KLHL3: variants seen among roughly 807,000 people sequenced by gnomAD.
The protein encoded by KLHL3 is kelch-like protein 3.
In KLHL3, 19 loss-of-function variants were observed where a neutral mutation model predicts 70.5. The ratio of observed to expected loss-of-function variants is 0.27; its 90% CI spans 0.19 to 0.40. The LOEUF is 0.40. Ranked by LOEUF, KLHL3 falls within the 10% of genes least tolerant of loss-of-function variation. The probability of loss-of-function intolerance (pLI) is 1.00; values close to 1 mark genes in which losing one functional copy is unlikely to be tolerated. For synonymous variants in KLHL3, 258 were observed against 290.3 expected, an observed-to-expected ratio of 0.89 and a Z score of 1.13; for missense variants, 512 against 771.1, an observed-to-expected ratio of 0.66 and a Z score of 3.98.
chr5:137,690,330 A>G (rs1005396883), intron 5 of KLHL3, among the ~76,000 whole-genome samples: 1 of 148,386 alleles, frequency 6.7e-6, no homozygotes, highest in South Asian at 2.1e-4. Context: ...CCATCTCAAA[A>G]AAAAAAAAAA....
At chr5:137,680,066 A>G (rs1279795048) in intron 5 of KLHL3, among the ~76,000 whole-genome samples, 1 of 152,196 alleles carries the variant, frequency 6.6e-6, no homozygotes, top group Non-Finnish European at 1.5e-5. Context: ...CAGGAACAGG[A>G]TGCTCCAGCT....
intron 1 of KLHL3, among the ~76,000 whole-genome samples, chr5:137,727,008 C>T (rs1358588823): frequency 6.6e-6 from 1 of 152,098 alleles, no homozygotes; most frequent in South Asian, 2.1e-4. Context: ...CTTTCTTGCC[C>T]TCCTCTATCC....
At chr5:137,643,061 T>C (rs1750957199) in intron 8 of KLHL3, among the ~76,000 whole-genome samples, 1 of 152,142 alleles carries the variant, frequency 6.6e-6, no homozygotes. Context: ...ACAAAAATGA[T>C]ACACGACAGC....
chr5:137,709,803 G>A lies in KLHL3; in HGVS notation c.188C>T (p.Ala63Val). ...GCAGGCTGCCAGGACCACACGGTGG[G>A]CTTCTATCTCGACATCTTCTGCCAC... is the stretch of plus-strand genomic sequence containing the variant. ...MIVAEDVEIE[A>V]HRVVLAACSP... Residue 63 changes from alanine to valine, a missense_variant, in exon 3 of 15, where the codon GCC (alanine) becomes GTC (valine). By Grantham distance (64) the Ala-to-Val change is moderately conservative. Coordinates refer to ENST00000309755, the MANE Select transcript of KLHL3 (RefSeq NM_017415.3). The A allele has an allele frequency of 1.2e-6, 2 of 1,614,116 alleles. No homozygotes were observed. Among genetic ancestry groups the A allele is most frequent in the Non-Finnish European group, 1.7e-6 (2 of 1,180,016 alleles).
chr5:137,706,218 G>T, intron 3 of KLHL3: 1 of 985,370 alleles, frequency 1.0e-6, no homozygotes, highest in Non-Finnish European at 1.2e-6. Flanking sequence ...CAAGTCAGAA[G>T]AAAGCCATGT....
rs1021051206 is a variant in KLHL3, at chr5:137,627,482, C to G, written c.1591+815G>C. ...GTAAATTAGTAAATATCACCACCCC[C>G]CCCCCCGGTTTACACTTCCAAGTCA... On this transcript the variant is annotated intron_variant, in intron 13 of 14. Transcript: ENST00000309755. 2.5e-4 allele frequency among the ~76,000 whole-genome samples: 32 copies of G among 125,834 alleles called. 6 individuals carry two copies. Among genetic ancestry groups the G allele is most frequent in the Admixed American group, 8.5e-4 (11 of 12,876 alleles). The allele number at this position is 125,834 out of a possible 152,430, so 82.6% of individuals were successfully genotyped here.
At position 137,692,331 on chromosome 5, in the gene KLHL3, A is replaced by G. The variant is rs1752343949; in HGVS notation, c.480T>C (p.Asp160=). 1.2e-6 allele frequency: 2 copies of G among 1,613,446 alleles called. No homozygotes were observed. The highest frequency in any genetic ancestry group is 1.7e-5 in the Admixed American group (1 of 59,994). Reference sequence around the variant, plus strand: ...GCAGAAGGTCAGTGCAGGTGTGTACATCTGCAAATGCACGGATGCCCAGGC... The same window carrying G: ...GCAGAAGGTCAGTGCAGGTGTGTACGTCTGCAAATGCACGGATGCCCAGGC... ...TNCLGIRAFA[D]VHTCTDLLQQ... is the part of the protein sequence containing the mutation. Residue 160 remains aspartate (D), a synonymous_variant, in exon 5 of 15, where the codon GAT becomes GAC. Transcript: ENST00000309755.
In KLHL3 at chr5:137,639,981, C is replaced by A; in HGVS notation, c.904-4G>T. 1 of 1,613,570 alleles carries A rather than the reference C, an allele frequency of 6.2e-7. No homozygotes were observed. Among genetic ancestry groups the A allele is most frequent in the Middle Eastern group, 1.6e-4 (1 of 6,062 alleles). ...GGCCGCCAACCACAATCATGACCTC[C>A]GGAGAGACAAGTGGACGTTAGCGGG... On this transcript the variant is annotated splice_polypyrimidine_tract_variant and splice_region_variant and intron_variant, in intron 8 of 14. Coordinates refer to ENST00000309755, the MANE Select transcript of KLHL3 (RefSeq NM_017415.3). The surrounding 1 kb of genome is among the most constrained non-coding windows in gnomAD (Gnocchi z 5.0).
chr5:137,652,290 A>G (rs1751220788), intron 8 of KLHL3, among the ~76,000 whole-genome samples: 2 of 152,220 alleles, frequency 1.3e-5, no homozygotes, highest in African/African-American at 4.8e-5. Flanking sequence ...GAACTACCAT[A>G]TAATCCAGCA....
chr5:137,665,283 A>C (rs569787736), intron 6 of KLHL3, among the ~76,000 whole-genome samples: 1 of 152,210 alleles, frequency 6.6e-6, no homozygotes, highest in Non-Finnish European at 1.5e-5. Flanking sequence ...GCCATAAATG[A>C]CTTTTGGGGG....
intron 8 of KLHL3, among the ~76,000 whole-genome samples, chr5:137,640,540 A>G (rs1429988900): frequency 6.6e-6 from 1 of 152,198 alleles, no homozygotes; most frequent in African/African-American, 2.4e-5. Context: ...GGTAGTAGCT[A>G]CCACTGCTAG....
intron 8 of KLHL3, among the ~76,000 whole-genome samples, chr5:137,641,864 G>C (rs140641468): frequency 0.023 from 3,466 of 152,278 alleles, 78 homozygotes; most frequent in Non-Finnish European, 0.032. Flanking sequence ...CCAGCCTCGA[G>C]CTGCTGCTGC....
At chr5:137,667,311 T>C (rs1010614213) in intron 6 of KLHL3, among the ~76,000 whole-genome samples, 1 of 152,188 alleles carries the variant, frequency 6.6e-6, no homozygotes, top group African/African-American at 2.4e-5. Flanking sequence ...AATCATAGGA[T>C]AGGGTGATAT....
At chr5:137,682,782 C>T (rs1752064189) in intron 5 of KLHL3, among the ~76,000 whole-genome samples, 1 of 152,296 alleles carries the variant, frequency 6.6e-6, no homozygotes, top group Non-Finnish European at 1.5e-5. Context: ...AGCATAATAT[C>T]TGTATATACC....
chr5:137,633,915 T>C, intron 12 of KLHL3, 122 bp downstream of exon 12: 2 of 1,270,746 alleles, frequency 1.6e-6, no homozygotes, highest in Non-Finnish European at 2.2e-6. Context: ...TCGACCATTA[T>C]GCAATATATC....
At chr5:137,718,291 T>C (rs1175406739) in intron 2 of KLHL3, among the ~76,000 whole-genome samples, 2 of 152,140 alleles carry the variant, frequency 1.3e-5, no homozygotes, top group South Asian at 2.1e-4. Context: ...ACCTAGTAAC[T>C]TGTAACAGAA....
chr5:137,640,274 C>T (rs902148710), intron 8 of KLHL3, among the ~76,000 whole-genome samples: 2 of 152,246 alleles, frequency 1.3e-5, no homozygotes, highest in Admixed American at 6.5e-5. Flanking sequence ...AATCTCAGTG[C>T]CCTCAGATTG....
chr5:137,646,993 C>T (rs927917877), intron 8 of KLHL3, among the ~76,000 whole-genome samples: 15 of 152,162 alleles, frequency 9.9e-5, no homozygotes, highest in Non-Finnish European at 2.1e-4. Flanking sequence ...TCAACTGTCA[C>T]TGTGTTGAAG....
intron 8 of KLHL3, among the ~76,000 whole-genome samples, chr5:137,640,289 T>TG (rs565741097): frequency 3.3e-5 from 5 of 152,184 alleles, no homozygotes; most frequent in Non-Finnish European, 7.3e-5. Context: ...AGATTGGGAA[T>TG]GGGGGGTGCT....
Sources: gnomAD v4.1 joint callset for allele counts (sites outside exome capture counted in the v4.1 genomes callset) on GRCh38, gnomAD v4.1.1 for gene constraint, Gnocchi (gnomAD v3.1) non-coding constraint, MANE v1.5 for transcripts, NCBI Gene and HGNC (gene_info 2026-07-23, HGNC 2026-07-21) for gene names.